Variants in CFAP77 observed in about 807,000 individuals in gnomAD.
CFAP77 encodes the protein cilia and flagella associated protein 77, also known as cilia- and flagella-associated protein 77.
CFAP77 carries 25 observed loss-of-function variants against 31.1 expected under a neutral mutation model. That is an observed-to-expected ratio of 0.80 (90% CI 0.59 to 1.12). CFAP77 has a LOEUF of 1.12. Among genes scored for constraint, CFAP77 ranks in the 50% most tolerant of loss-of-function variants. The pLI, the probability that CFAP77 is intolerant of heterozygous loss-of-function variation, is 0.00. For synonymous variants in CFAP77, 151 were observed against 159.9 expected, an observed-to-expected ratio of 0.94 and a Z score of 0.42; for missense variants, 377 against 397.3, an observed-to-expected ratio of 0.95 and a Z score of 0.44.
chr9:132,499,730 C>T lies in CFAP77; in HGVS notation c.524+130C>T. The T allele has an allele frequency of 1.2e-6, 1 of 816,404 alleles. No individual in the cohort carries two copies. The highest frequency in any genetic ancestry group is 2.0e-6 in the Non-Finnish European group (1 of 500,474). 50.6% of individuals were successfully genotyped at this position (816,404 alleles called of 1,614,324 possible). On this transcript the variant is annotated intron_variant, in intron 3 of 5. Coordinates refer to ENST00000393216, the MANE Select transcript of CFAP77 (RefSeq NM_001282957.2). The surrounding 1 kb of genome is among the most constrained non-coding windows in gnomAD (Gnocchi z 5.4). ...CCCCACTGTCCTCTCTTCAATGACT[C>T]TCTCTTGTGTGACCTCTATAGCCAC... is the stretch of plus-strand genomic sequence containing the variant.
intron 3 of CFAP77, among the ~76,000 whole-genome samples, chr9:132,514,724 G>C (rs182729696): frequency 1.3e-5 from 2 of 152,164 alleles, no homozygotes; most frequent in Non-Finnish European, 1.5e-5. Flanking sequence ...CAAGCCTCCC[G>C]GCGTCATTAG....
rs11243788 is a variant in CFAP77, at chr9:132,474,045, C to T, written c.196-24650C>T. ...ACATTGCGTCCTCTCCTCACGAACC[C>T]GAGTCTATTTGCCGGCCCTAGAGAT... On this transcript the variant is annotated intron_variant, in intron 1 of 5. Transcript: ENST00000393216. Among the ~76,000 whole-genome samples, 500 of 152,272 alleles carry T rather than the reference C, an allele frequency of 3.3e-3. 15 individuals are homozygous for T. The East Asian group carries it at 0.076, about 23-fold the overall frequency.
At chr9:132,518,508 A>G (rs1166847714) in intron 3 of CFAP77, among the ~76,000 whole-genome samples, 4 of 152,050 alleles carry the variant, frequency 2.6e-5, no homozygotes, top group South Asian at 2.1e-4. Flanking sequence ...CTGAGCCTCA[A>G]TTTCCCCTTC....
chr9:132,410,530 G>A, intron 1 of CFAP77, 64 bp downstream of exon 1: 6 of 1,398,326 alleles, frequency 4.3e-6, no homozygotes, highest in East Asian at 2.9e-5. Context: ...GCCGCCGGGG[G>A]TCCCCACCCG....
chr9:132,428,995 C>T (rs1330081013), intron 1 of CFAP77, among the ~76,000 whole-genome samples: 1 of 152,170 alleles, frequency 6.6e-6, no homozygotes, highest in Admixed American at 6.6e-5. Flanking sequence ...ACTAGAGTGT[C>T]ACCCTGCATG....
chr9:132,445,317 T>C (rs1850691101), intron 1 of CFAP77, among the ~76,000 whole-genome samples: 1 of 152,168 alleles, frequency 6.6e-6, no homozygotes, highest in African/African-American at 2.4e-5. Flanking sequence ...CTACTCTAAG[T>C]ACATCATAAA....
chr9:132,482,513 C>G, intron 1 of CFAP77: 1 of 869,362 alleles, frequency 1.2e-6, no homozygotes. Context: ...GTGCTGGGCA[C>G]CCGTGGCGCT....
chr9:132,476,291 T>A (rs565325), intron 1 of CFAP77, among the ~76,000 whole-genome samples: 1 of 151,762 alleles, frequency 6.6e-6, no homozygotes, highest in African/African-American at 2.4e-5. Context: ...TTACTCACTG[T>A]GTCCCATACC....
chr9:132,475,712 G>C (rs1231814708), intron 1 of CFAP77, among the ~76,000 whole-genome samples: 1 of 152,164 alleles, frequency 6.6e-6, no homozygotes, highest in Non-Finnish European at 1.5e-5. Context: ...TGCCACAGAG[G>C]CCTGAGCATT....
chr9:132,494,075 C>T (rs1851698442), intron 1 of CFAP77, among the ~76,000 whole-genome samples: 1 of 152,160 alleles, frequency 6.6e-6, no homozygotes, highest in Non-Finnish European at 1.5e-5. Flanking sequence ...CCATACCCAG[C>T]TAATTTTTAC....
chr9:132,515,104 G>A (rs1323695193), intron 3 of CFAP77, among the ~76,000 whole-genome samples: 3 of 152,186 alleles, frequency 2.0e-5, no homozygotes, highest in Admixed American at 6.5e-5. Flanking sequence ...TGGCGGGGGT[G>A]GGGGAGGCAC....
At chr9:132,428,917 A>G (rs1254352968) in intron 1 of CFAP77, among the ~76,000 whole-genome samples, 1 of 152,026 alleles carries the variant, frequency 6.6e-6, no homozygotes, top group Non-Finnish European at 1.5e-5. Flanking sequence ...TCTCATTCAC[A>G]TGTGACTGCT....
intron 5 of CFAP77, among the ~76,000 whole-genome samples, chr9:132,568,154 C>T (rs56254152): frequency 0.057 from 8,667 of 152,128 alleles, 311 homozygotes; most frequent in Non-Finnish European, 0.083. Flanking sequence ...AAGGTGGCTG[C>T]CAGGGACTTG....
intron 5 of CFAP77, among the ~76,000 whole-genome samples, chr9:132,562,745 G>C (rs1233195420): frequency 3.3e-5 from 5 of 151,868 alleles, no homozygotes; most frequent in South Asian, 4.2e-4. Context: ...AGTCTCCCAG[G>C]CTGGAGTGCA....
rs995261590 is a variant in CFAP77, at chr9:132,438,036, C to T, written c.195+27570C>T. On this transcript the variant is annotated intron_variant, in intron 1 of 5. Transcript: ENST00000393216. The stretch of plus-strand genomic sequence containing the variant: ...CCTAGCCAACATAGTAAAACCTCGT[C>T]GCTACTAAAAATACAAAAATTAGCA... Among the ~76,000 whole-genome samples the T allele has an allele frequency of 4.0e-5, 6 of 150,930 alleles. No individual in the cohort carries two copies. In the East Asian group the frequency reaches 5.9e-4, roughly 15 times the overall value.
At chr9:132,487,786 T>C (rs1366989031) in intron 1 of CFAP77, among the ~76,000 whole-genome samples, 1 of 152,222 alleles carries the variant, frequency 6.6e-6, no homozygotes, top group Non-Finnish European at 1.5e-5. Flanking sequence ...AGCATTGGGC[T>C]TCTAAGAGGA....
chr9:132,486,054 ATGTGTG>A lies in CFAP77; in HGVS notation c.196-12633_196-12628del, dbSNP rs199499678. ...TATATATATATATGTATGTATATGT[ATGTGTG>A]TGTGTGTATATATATATATATATAT... On this transcript the variant is annotated intron_variant, in intron 1 of 5. Coordinates refer to ENST00000393216, the MANE Select transcript of CFAP77 (RefSeq NM_001282957.2). Among the ~76,000 whole-genome samples, 237 of 27,506 alleles carry A rather than the reference ATGTGTG, an allele frequency of 8.6e-3. 39 individuals carry two copies. The highest frequency in any genetic ancestry group is 0.03 in the African/African-American group (82 of 2,698). The allele number at this position is 27,506 out of a possible 152,430, so 18.0% of individuals were successfully genotyped here.
chr9:132,538,300 G>A (rs935310632), intron 4 of CFAP77, among the ~76,000 whole-genome samples: 2 of 151,998 alleles, frequency 1.3e-5, no homozygotes, highest in Non-Finnish European at 1.5e-5. Context: ...CTGCTTCCCA[G>A]GCGTGGAAGT....
chr9:132,569,220 T>C (rs1684417222), intron 5 of CFAP77, among the ~76,000 whole-genome samples: 1 of 151,974 alleles, frequency 6.6e-6, no homozygotes, highest in Non-Finnish European at 1.5e-5. Context: ...CCTCAACATA[T>C]TGAGACCCTC....
Sources: gnomAD v4.1 joint callset for allele counts (sites outside exome capture counted in the v4.1 genomes callset) on GRCh38, gnomAD v4.1.1 for gene constraint, Gnocchi (gnomAD v3.1) non-coding constraint, MANE v1.5 for transcripts, NCBI Gene and HGNC (gene_info 2026-07-23, HGNC 2026-07-21) for gene names.